Variants in TOP3B observed in about 807,000 individuals in gnomAD.
The protein encoded by TOP3B is DNA topoisomerase III beta.
In TOP3B, 45 loss-of-function variants were observed where a neutral mutation model predicts 93.9. The observed-to-expected ratio is 0.48, with a 90% CI of 0.38 to 0.61. The LOEUF is 0.61. Ranked by LOEUF, TOP3B falls within the 20% of genes least tolerant of loss-of-function variation. The probability of loss-of-function intolerance (pLI) is 0.00; values close to 1 mark genes in which losing one functional copy is unlikely to be tolerated. For synonymous variants in TOP3B, 357 were observed against 472.6 expected, an observed-to-expected ratio of 0.76 and a Z score of 3.17; for missense variants, 750 against 1,156.1, an observed-to-expected ratio of 0.65 and a Z score of 5.09.
chr22:21,982,657 A>G (rs1159668026), intron 1 of TOP3B, 73 bp downstream of exon 1: 1 of 152,216 alleles, frequency 6.6e-6, no homozygotes, highest in Non-Finnish European at 1.5e-5. Context: ...CGTTCAGGAA[A>G]CAAGCCAGAA....
In TOP3B at chr22:21,963,583, T is replaced by C; in HGVS notation, c.1204+340A>G. On this transcript the variant is annotated intron_variant, in intron 11 of 17. Coordinates refer to ENST00000357179, the MANE Select transcript of TOP3B (RefSeq NM_001282112.2). This position sits in a 1 kb window ranked among gnomAD's most constrained non-coding sequence, Gnocchi z 4.8. ...ACTGCTCTCCCTTCCTCATTTGCCT[T>C]CTCCTGGCACTCGGACCACTGGTAC... 1 of 328,336 alleles carries C rather than the reference T, an allele frequency of 3.0e-6. No homozygotes were observed. The highest frequency in any genetic ancestry group is 3.5e-5 in the South Asian group (1 of 28,382). 20.3% of individuals were successfully genotyped at this position (328,336 alleles called of 1,614,324 possible). A position where few individuals can be genotyped will look rare whatever the true frequency, so the allele number is the denominator to read the frequency against.
intron 6 of TOP3B, chr22:21,969,582 C>A (rs1213937011): frequency 6.6e-6 from 1 of 152,010 alleles, no homozygotes; most frequent in Non-Finnish European, 1.5e-5. Context: ...GCCTGGATGA[C>A]AGAGTAAGAC....
At chr22:21,972,827 G>C in intron 3 of TOP3B, 109 bp from the exon 4 acceptor site, 1 of 931,774 alleles carries the variant, frequency 1.1e-6, no homozygotes, top group Non-Finnish European at 1.7e-6. Flanking sequence ...GGAAAGCTTG[G>C]AGAACAATTT....
chr22:21,975,666 T>C lies in TOP3B; in HGVS notation c.44A>G (p.Gln15Arg). The C allele has an allele frequency of 3.1e-6, 5 of 1,612,228 alleles. No homozygotes were observed. The South Asian group carries it at 4.4e-5, about 14-fold the overall frequency. Residue 15 changes from glutamine to arginine, a missense_variant, in exon 2 of 18, where the codon CAG becomes CGG. Gln to Arg is a conservative substitution (Grantham distance 43). Coordinates refer to ENST00000357179, the MANE Select transcript of TOP3B (RefSeq NM_001282112.2). ...LMVAEKPSLAQSIAKILSRGS... is the reference protein window; with the variant it reads ...LMVAEKPSLARSIAKILSRGS... ...TCTAGAGAGGATTTTGGCAATTGAC[T>C]GTGCCAAGGACGGCTTTTCAGCAAC...
chr22:21,975,537 A>G, intron 2 of TOP3B, 103 bp downstream of exon 2: 2 of 1,352,848 alleles, frequency 1.5e-6, no homozygotes, highest in South Asian at 3.2e-5. Flanking sequence ...TGCCGACCCG[A>G]ACCAAATCTA....
chr22:21,969,316 T>G (rs1211335767), intron 6 of TOP3B: 1 of 152,776 alleles, frequency 6.5e-6, no homozygotes, highest in Non-Finnish European at 1.5e-5. Context: ...AAACAAAATG[T>G]TTGGACAGGC....
rs201232519 is a variant in TOP3B, at chr22:21,968,647, G to C, written c.710C>G (p.Pro237Arg). 1 of 1,614,102 alleles carries C rather than the reference G, an allele frequency of 6.2e-7. No individual in the cohort carries two copies. The highest frequency in any genetic ancestry group is 1.3e-5 in the African/African-American group (1 of 74,936). The change falls in exon 7 of 18, where the codon CCA becomes CGA. Residue 237 changes from proline (P) to arginine (R), a missense_variant. This residue lies in a region of TOP3B where 737 missense variants were observed against 933.7 expected (regional missense o/e 0.79). Coordinates refer to ENST00000357179, the MANE Select transcript of TOP3B (RefSeq NM_001282112.2). ...GGCCTGCAGCACCCAGTAGGTCTCT[G>C]GTTTGAAGGACTGGATTTTATCATG... is the stretch of plus-strand genomic sequence containing the variant. ...ERHDKIQSFK[P>R]ETYWVLQAKV...
In TOP3B at chr22:21,960,594, C is replaced by T. The variant is rs953389797; in HGVS notation, c.1526-145G>A. On this transcript the variant is annotated intron_variant, in intron 13 of 17. Coordinates refer to ENST00000357179, the MANE Select transcript of TOP3B (RefSeq NM_001282112.2). The stretch of plus-strand genomic sequence containing the variant: ...AGGAGGGAGGGCTGTGCCCTGAGCT[C>T]CCCCTGCACTGTGCTGGGCACCAAC... 8.1e-6 allele frequency: 9 copies of T among 1,111,634 alleles called. No homozygotes were observed. In the Admixed American group the frequency reaches 1.1e-4, roughly 14 times the overall value. The allele number at this position is 1,111,634 out of a possible 1,614,324, so 68.9% of individuals were successfully genotyped here.
At chr22:21,972,020 C>G (rs1312342259) in intron 4 of TOP3B, 69 bp from the exon 5 acceptor site, 29 of 1,393,282 alleles carry the variant, frequency 2.1e-5, no homozygotes, top group Non-Finnish European at 2.8e-5. Flanking sequence ...CCCAGTGCTC[C>G]CATCCAGGAC....
chr22:21,974,896 C>T (rs115261053), intron 2 of TOP3B: 145 of 161,840 alleles, frequency 9.0e-4, no homozygotes, highest in African/African-American at 3.2e-3. Flanking sequence ...TTCTCACCCT[C>T]TCCACTGACC....
chr22:21,959,296 C>T (rs1018223096), intron 15 of TOP3B, 64 bp from the exon 16 acceptor site: 19 of 1,598,852 alleles, frequency 1.2e-5, no homozygotes, highest in East Asian at 4.5e-5. Context: ...CTCCGCAACA[C>T]GTGGTCAAGG....
In TOP3B at chr22:21,963,762, A is replaced by C; in HGVS notation, c.1204+161T>G. ...ACCTCTTCACTCCTGTCCTGGTCCCATAGCAATGGAGCTCATCTTCCAGGT... is the reference window on the plus strand; with the variant it reads ...ACCTCTTCACTCCTGTCCTGGTCCCCTAGCAATGGAGCTCATCTTCCAGGT... On this transcript the variant is annotated intron_variant, in intron 11 of 17. Transcript: ENST00000357179. This position sits in a 1 kb window ranked among gnomAD's most constrained non-coding sequence, Gnocchi z 4.8. 1.5e-6 allele frequency: 1 copy of C among 687,474 alleles called. No individual in the cohort carries two copies. Among genetic ancestry groups the C allele is most frequent in the Non-Finnish European group, 2.5e-6 (1 of 407,558 alleles). The allele number at this position is 687,474 out of a possible 1,614,324, so 42.6% of individuals were successfully genotyped here.
Position 21,971,365 on chromosome 22 carries a change from G to A in TOP3B, c.384+512C>T, listed in dbSNP as rs1408968317. 1.4e-5 allele frequency: 4 copies of A among 289,634 alleles called. No homozygotes were observed. Among genetic ancestry groups the A allele is most frequent in the Non-Finnish European group, 2.7e-5 (4 of 146,832 alleles). 17.9% of individuals were successfully genotyped at this position (289,634 alleles called of 1,614,324 possible). ...TGTGAGGGCACCATGGCCGGGGCAA[G>A]CATGGGGCATGGGGTGTGCACAGGG... On this transcript the variant is annotated intron_variant, in intron 5 of 17. Coordinates refer to ENST00000357179, the MANE Select transcript of TOP3B (RefSeq NM_001282112.2). This position sits in a 1 kb window ranked among gnomAD's most constrained non-coding sequence, Gnocchi z 4.6.
intron 8 of TOP3B, 65 bp downstream of exon 8, chr22:21,967,538 G>T: frequency 8.1e-7 from 1 of 1,227,772 alleles, no homozygotes; most frequent in East Asian, 2.3e-5. Context: ...TTCCTCCAGC[G>T]GGAGGCATCC....
chr22:21,974,609 G>C, intron 2 of TOP3B, 121 bp from the exon 3 acceptor site: 1 of 1,168,414 alleles, frequency 8.6e-7, no homozygotes, highest in East Asian at 2.7e-5. Context: ...AGTGGTGAGT[G>C]ACGACATTCC....
At chr22:21,974,160 C>T in intron 3 of TOP3B, 197 bp downstream of exon 3, 1 of 573,320 alleles carries the variant, frequency 1.7e-6, no homozygotes, top group Non-Finnish European at 2.9e-6. Flanking sequence ...TGATGGGGAC[C>T]CAGGGCTGAG....
At chr22:21,962,950 A>T in intron 11 of TOP3B, 57 bp from the exon 12 acceptor site, 1 of 1,596,002 alleles carries the variant, frequency 6.3e-7, no homozygotes, top group Non-Finnish European at 8.6e-7. Context: ...GGCCGTGAGG[A>T]GCCCCCAGTA....
intron 11 of TOP3B, 34 bp from the exon 12 acceptor site, chr22:21,962,927 A>G: frequency 6.2e-7 from 1 of 1,603,498 alleles, no homozygotes; most frequent in South Asian, 1.1e-5. Context: ...GTTGGGAGCC[A>G]GCTGGGGGCT....
At chr22:21,981,507 T>C (rs1254406207) in intron 1 of TOP3B, among the ~76,000 whole-genome samples, 1 of 152,162 alleles carries the variant, frequency 6.6e-6, no homozygotes, top group Non-Finnish European at 1.5e-5. Context: ...AGAACACGGG[T>C]TTTGCTTTGT....
Sources: gnomAD v4.1 joint callset for allele counts (sites outside exome capture counted in the v4.1 genomes callset) on GRCh38, gnomAD v4.1.1 for gene constraint, gnomAD v4.1.1 regional missense constraint, Gnocchi (gnomAD v3.1) non-coding constraint, MANE v1.5 for transcripts, NCBI Gene and HGNC (gene_info 2026-07-23, HGNC 2026-07-21) for gene names.